Variants in WHRN observed in about 807,000 individuals in gnomAD.
WHRN encodes CASK-interacting protein CIP98.
In WHRN, 41 loss-of-function variants were observed where a neutral mutation model predicts 68.3. The observed-to-expected ratio is 0.60, with a 90% CI of 0.47 to 0.78. The LOEUF is 0.78. WHRN is among the 30% of genes least tolerant of loss of function. The probability of loss-of-function intolerance (pLI) is 0.00; values close to 1 mark genes in which losing one functional copy is unlikely to be tolerated. For synonymous variants in WHRN, 560 were observed against 561.3 expected (o/e 1.00, Z 0.03); for missense variants, 1,243 against 1,244.7 (o/e 1.00, Z 0.02).
intron 1 of WHRN, among the ~76,000 whole-genome samples, chr9:114,498,915 A>C (rs1243343423): frequency 6.6e-6 from 1 of 152,176 alleles, no homozygotes; most frequent in Non-Finnish European, 1.5e-5. Flanking sequence ...ATAGTAGGTA[A>C]TCGTTAATGT....
chr9:114,425,689 C>T (rs990143246), intron 4 of WHRN: 4 of 236,778 alleles, frequency 1.7e-5, no homozygotes, highest in East Asian at 2.1e-4. Context: ...GGCCAGGTGG[C>T]CACCAGCCTG....
intron 3 of WHRN, among the ~76,000 whole-genome samples, chr9:114,441,063 C>T (rs116103350): frequency 0.026 from 4,015 of 152,030 alleles, 186 homozygotes; most frequent in African/African-American, 0.092. Context: ...ATCTGGTAAA[C>T]AGATGATGTA....
chr9:114,425,073 T>A, intron 4 of WHRN, 49 bp from the exon 5 acceptor site: 1 of 1,597,462 alleles, frequency 6.3e-7, no homozygotes. Context: ...GCAGATCAAA[T>A]GGGCGTGGGC....
chr9:114,417,145 AAC>A (rs1416758279), intron 7 of WHRN, among the ~76,000 whole-genome samples: 1 of 152,212 alleles, frequency 6.6e-6, no homozygotes, highest in South Asian at 2.1e-4. Context: ...ATGGAAAATC[AAC>A]ACAGTTTGTG....
At chr9:114,471,515 C>T (rs967928694) in intron 2 of WHRN, among the ~76,000 whole-genome samples, 8 of 152,216 alleles carry the variant, frequency 5.3e-5, no homozygotes, top group Non-Finnish European at 1.0e-4. Flanking sequence ...CACTCTTGGG[C>T]ACCCTTGGGA....
intron 2 of WHRN, 47 bp from the exon 3 acceptor site, chr9:114,466,439 C>A: frequency 6.2e-7 from 1 of 1,611,914 alleles, no homozygotes; most frequent in African/African-American, 1.3e-5. Context: ...GGAGCCATCC[C>A]TTCCGGGGAC....
At chr9:114,415,604 C>A (rs1835762205) in intron 7 of WHRN, among the ~76,000 whole-genome samples, 1 of 152,332 alleles carries the variant, frequency 6.6e-6, no homozygotes, top group Non-Finnish European at 1.5e-5. Flanking sequence ...TGTTCTCACA[C>A]CACCCTTCAG....
chr9:114,458,896 T>C (rs1840022644), intron 3 of WHRN, among the ~76,000 whole-genome samples: 1 of 152,220 alleles, frequency 6.6e-6, no homozygotes, highest in South Asian at 2.1e-4. Context: ...GCACTTTTTA[T>C]GTTCCACCAT....
chr9:114,496,307 G>T (rs916386166), intron 1 of WHRN, among the ~76,000 whole-genome samples: 8 of 152,118 alleles, frequency 5.3e-5, no homozygotes, highest in Non-Finnish European at 1.0e-4. Flanking sequence ...AGGGACGGTG[G>T]GGGGACACAG....
At chr9:114,462,473 A>G (rs1435189854) in intron 3 of WHRN, among the ~76,000 whole-genome samples, 1 of 152,188 alleles carries the variant, frequency 6.6e-6, no homozygotes, top group African/African-American at 2.4e-5. Flanking sequence ...ACCTTCACAC[A>G]GCCGGTCAGT....
At chr9:114,449,256 G>GC (rs1839101973) in intron 3 of WHRN, among the ~76,000 whole-genome samples, 1 of 152,324 alleles carries the variant, frequency 6.6e-6, no homozygotes, top group East Asian at 1.9e-4. Context: ...AGCTCTTCAT[G>GC]CCCCTACCCT....
chr9:114,486,814 C>CAA (rs59992011), intron 1 of WHRN, among the ~76,000 whole-genome samples: 5,584 of 71,094 alleles, frequency 0.079, 510 homozygotes, highest in East Asian at 0.35. Context: ...GCTTCCCAGG[C>CAA]AAAAAAAAAA....
At chr9:114,433,365 G>A (rs1156327371) in intron 3 of WHRN, among the ~76,000 whole-genome samples, 2 of 152,190 alleles carry the variant, frequency 1.3e-5, no homozygotes, top group East Asian at 1.9e-4. Flanking sequence ...CTCTCAGGCC[G>A]CGCGTGCACC....
At chr9:114,478,396 CA>C (rs767110986) in intron 2 of WHRN, 156 bp downstream of exon 2, 3 of 818,140 alleles carry the variant, frequency 3.7e-6, no homozygotes, top group Non-Finnish European at 6.3e-6. Flanking sequence ...AAAAGAAAAG[CA>C]AAGAAAAAAC....
chr9:114,425,180 G>A, intron 4 of WHRN, 156 bp from the exon 5 acceptor site: 1 of 799,200 alleles, frequency 1.3e-6, no homozygotes, highest in Non-Finnish European at 2.2e-6. Flanking sequence ...GGGCTACTCA[G>A]GGGTAAAGGA....
chr9:114,468,287 T>C lies in WHRN; in HGVS notation c.838-1895A>G, dbSNP rs143880126. Among the ~76,000 whole-genome samples, 655 of 152,286 alleles carry C rather than the reference T, an allele frequency of 4.3e-3. 2 individuals are homozygous for C. Among genetic ancestry groups the C allele is most frequent in the African/African-American group, 0.015 (614 of 41,560 alleles). On this transcript the variant is annotated intron_variant, in intron 2 of 11. Coordinates refer to ENST00000362057, the MANE Select transcript of WHRN (RefSeq NM_015404.4). ...TAAGTATGAGCTACTGTTGGTTCTG[T>C]TGCACACATGACAAGTCTTGTTGGG...
rs371321396 is a variant in WHRN at position 114,406,409 on chromosome 9, G to A, written c.2182C>T (p.Arg728Cys). ...NQHFVMVEVHRPDSEPDVNEV... is the reference protein window; with the variant it reads ...NQHFVMVEVHCPDSEPDVNEV... ...TTGACGTCTGGCTCGCTGTCGGGGC[G>A]GTGGACCTCCACCATGACAAAGTGC... The change falls in exon 9 of 12, where the codon CGC becomes TGC. Residue 728 changes from arginine to cysteine, a missense_variant. By Grantham distance (180) the Arg-to-Cys change is radical. Transcript: ENST00000362057. 8.2e-5 allele frequency: 132 copies of A among 1,614,044 alleles called. No individual in the cohort carries two copies. The highest frequency in any genetic ancestry group is 9.7e-5 in the Non-Finnish European group (114 of 1,180,056).
At position 114,423,426 on chromosome 9, in the gene WHRN, G is replaced by A. The variant is rs774765831; in HGVS notation, c.1514C>T (p.Ala505Val). ...AGCCCCGGGGCCTGGGGGCTGCCGC[G>A]CCTTCATGGACTCAATCTCACGCCT... ...VLRREIESMK[A>V]RQPPGPGAGD... Residue 505 changes from alanine (A) to valine (V), a missense_variant, in exon 7 of 12, where the codon GCG (alanine) becomes GTG (valine). Transcript: ENST00000362057. 1.2e-5 allele frequency: 19 copies of A among 1,613,984 alleles called. No homozygotes were observed. The highest frequency in any genetic ancestry group is 1.6e-4 in the Middle Eastern group (1 of 6,084).
At chr9:114,466,864 TCTC>T (rs1479688561) in intron 2 of WHRN, among the ~76,000 whole-genome samples, 1 of 151,896 alleles carries the variant, frequency 6.6e-6, no homozygotes, top group African/African-American at 2.4e-5. Flanking sequence ...TCCCCAGGGG[TCTC>T]CTGTCACCTC....
Sources: gnomAD v4.1 joint callset for allele counts (sites outside exome capture counted in the v4.1 genomes callset) on GRCh38, gnomAD v4.1.1 for gene constraint, MANE v1.5 for transcripts, NCBI Gene and HGNC (gene_info 2026-07-23, HGNC 2026-07-21) for gene names.